The following HK1 variants were observed in gnomAD, a reference collection of about 807,000 sequenced individuals.
The protein encoded by HK1 is hexokinase 1, also known as hexokinase-1.
A neutral mutation model predicts 91.6 loss-of-function variants in HK1; 28 were observed. That is an observed-to-expected ratio of 0.31 (90% CI 0.23 to 0.42). The LOEUF (loss-of-function observed/expected upper bound fraction) is 0.42, where lower values mean the gene tolerates loss of function less well. HK1 is among the 10% of genes least tolerant of loss of function. The probability of loss-of-function intolerance (pLI) is 1.00; values close to 1 mark genes in which losing one functional copy is unlikely to be tolerated. For missense variants in HK1, 770 were observed against 1,219.8 expected, an observed-to-expected ratio of 0.63 and a Z score of 5.49; for synonymous variants, 430 against 468.1, an observed-to-expected ratio of 0.92 and a Z score of 1.05.
intron 1 of HK1, among the ~76,000 whole-genome samples, chr10:69,272,085 A>G (rs1844201226): frequency 6.6e-6 from 1 of 152,072 alleles, no homozygotes; most frequent in Non-Finnish European, 1.5e-5. Flanking sequence ...GCTGGTCTCA[A>G]ACTCCTGGCC....
intron 3 of HK1, among the ~76,000 whole-genome samples, chr10:69,364,523 G>A (rs1849596534): frequency 6.6e-6 from 1 of 152,116 alleles, no homozygotes; most frequent in Admixed American, 6.5e-5. Flanking sequence ...AGTGACCACT[G>A]AGAGGCCAGT....
At chr10:69,348,853 GCATT>G in intron 2 of HK1, among the ~76,000 whole-genome samples, 1 of 152,256 alleles carries the variant, frequency 6.6e-6, no homozygotes, top group Non-Finnish European at 1.5e-5. Flanking sequence ...ACTCAGGCAG[GCATT>G]TCCCGCAGGC....
rs557868457 is a variant in HK1, at chr10:69,358,158, G to A, written c.227-1739G>A. Reference sequence around the variant, plus strand: ...AAGGCAGGGGTGGCCGTCACCCCTGGCGTGGTAGATATTAGGACAGTGGGG... The same window carrying A: ...AAGGCAGGGGTGGCCGTCACCCCTGACGTGGTAGATATTAGGACAGTGGGG... On this transcript the variant is annotated intron_variant, in intron 2 of 17. Coordinates refer to ENST00000359426, the MANE Select transcript of HK1 (RefSeq NM_000188.3). Among the ~76,000 whole-genome samples the A allele has an allele frequency of 1.9e-3, 293 of 152,300 alleles. 1 individual carries two copies. Among genetic ancestry groups the A allele is most frequent in the Non-Finnish European group, 1.9e-3 (132 of 68,012 alleles).
At chr10:69,338,270 G>A (rs1365348374) in intron 1 of HK1, 32 of 1,170,010 alleles carry the variant, frequency 2.7e-5, no homozygotes, top group Middle Eastern at 3.9e-4. Flanking sequence ...TCTGGGCAGC[G>A]GTGGACAGAG....
intron 2 of HK1, among the ~76,000 whole-genome samples, chr10:69,288,012 G>C (rs1589438850): frequency 6.6e-6 from 1 of 151,944 alleles, no homozygotes; most frequent in African/African-American, 2.4e-5. Flanking sequence ...GGCTGGCATG[G>C]TGGCCCATGC....
intron 1 of HK1, among the ~76,000 whole-genome samples, chr10:69,272,496 A>T (rs907763702): frequency 2.6e-5 from 4 of 152,158 alleles, no homozygotes; most frequent in African/African-American, 9.7e-5. Context: ...TTGTCTGAAA[A>T]TGTCTTTTTA....
At chr10:69,300,593 G>A (rs577276789) in intron 4 of HK1, 2 of 703,308 alleles carry the variant, frequency 2.8e-6, no homozygotes, top group African/African-American at 1.8e-5. Context: ...CAAATCTGGG[G>A]CTGATCATGC....
intron 1 of HK1, among the ~76,000 whole-genome samples, chr10:69,332,177 G>A (rs1192028244): frequency 2.0e-5 from 3 of 152,114 alleles, no homozygotes; most frequent in Non-Finnish European, 4.4e-5. Context: ...CTGCTAGATG[G>A]TAAATTCCAT....
intron 16 of HK1, among the ~76,000 whole-genome samples, chr10:69,396,441 C>G (rs1380525608): frequency 6.6e-6 from 1 of 152,110 alleles, no homozygotes; most frequent in Non-Finnish European, 1.5e-5. Context: ...CCATCCATTT[C>G]CGGAACTCTT....
In HK1 at chr10:69,392,201, C is replaced by T. The variant is rs1456364584; in HGVS notation, c.2112C>T (p.Cys704=). ...EMVEGDQGQM[C]INMEWGAFGD... is the part of the protein sequence containing the mutation. ...TGGAGGGGGACCAGGGGCAGATGTG[C>T]ATCAACATGGAGTGGGGGGCCTTTG... The change falls in exon 15 of 18, where the codon TGC becomes TGT. Residue 704 remains cysteine (C), a synonymous_variant. Coordinates refer to ENST00000359426, the MANE Select transcript of HK1 (RefSeq NM_000188.3). The T allele has an allele frequency of 6.2e-7, 1 of 1,614,166 alleles. No homozygotes were observed. The highest frequency in any genetic ancestry group is 2.2e-5 in the East Asian group (1 of 44,880).
intron 15 of HK1, among the ~76,000 whole-genome samples, chr10:69,394,628 TAGAACCCAGGATCAG>T (rs1840053098): frequency 6.6e-6 from 1 of 151,702 alleles, no homozygotes; most frequent in Non-Finnish European, 1.5e-5. Context: ...AACAGGCAGG[TAGAACCCAGGATCAG>T]GAGGAGGACA....
chr10:69,346,375 C>T (rs924511347), intron 2 of HK1, among the ~76,000 whole-genome samples: 2 of 152,160 alleles, frequency 1.3e-5, no homozygotes, highest in African/African-American at 4.8e-5. Flanking sequence ...TTCTTGCTGA[C>T]CTTGACCCTG....
intron 3 of HK1, among the ~76,000 whole-genome samples, chr10:69,294,713 T>G (rs1845468331): frequency 6.6e-6 from 1 of 151,936 alleles, no homozygotes; most frequent in Admixed American, 6.6e-5. Context: ...AAAAAAATAA[T>G]TAGCCGGGTG....
intron 7 of HK1, among the ~76,000 whole-genome samples, chr10:69,375,969 C>T (rs1338302423): frequency 6.6e-6 from 1 of 152,150 alleles, no homozygotes; most frequent in Non-Finnish European, 1.5e-5. Flanking sequence ...GATTGGCTGT[C>T]AGTATGCAGA....
chr10:69,309,872 C>A (rs1846282360), intron 5 of HK1, among the ~76,000 whole-genome samples: 1 of 149,646 alleles, frequency 6.7e-6, no homozygotes, highest in Non-Finnish European at 1.5e-5. Flanking sequence ...CATGGTGACA[C>A]CCCATCTCTA....
At position 69,399,240 on chromosome 10, in the gene HK1, G is replaced by A. The variant is rs528134338; in HGVS notation, c.2609+412G>A. Among the ~76,000 whole-genome samples, 6 of 152,326 alleles carry A rather than the reference G, an allele frequency of 3.9e-5. No individual in the cohort carries two copies. In the South Asian group the frequency reaches 1.0e-3, roughly 26 times the overall value. On this transcript the variant is annotated intron_variant, in intron 17 of 17. Coordinates refer to ENST00000359426, the MANE Select transcript of HK1 (RefSeq NM_000188.3). ...TAAGAAAGGGGAGGAGCTGGGTGCA[G>A]TGGTTCACACCTGTAATCCAGCACT...
chr10:69,325,881 T>C (rs974435977), intron 1 of HK1, among the ~76,000 whole-genome samples: 3 of 150,198 alleles, frequency 2.0e-5, no homozygotes, highest in Non-Finnish European at 4.4e-5. Flanking sequence ...GTCGCCTGGG[T>C]TGTAGTACAG....
At chr10:69,306,628 G>A (rs12243716) in intron 5 of HK1, among the ~76,000 whole-genome samples, 3,287 of 152,280 alleles carry the variant, frequency 0.022, 120 homozygotes, top group African/African-American at 0.075. Context: ...ATAGAATAAA[G>A]GAAGCAGTCA....
At chr10:69,382,894 T>C (rs1839463818) in intron 10 of HK1, 103 bp downstream of exon 10, 3 of 1,061,184 alleles carry the variant, frequency 2.8e-6, no homozygotes, top group Middle Eastern at 2.6e-4. Flanking sequence ...ACACTGGTGA[T>C]GCACGATTTT....
Sources: allele counts gnomAD v4.1 joint callset (sites outside exome capture counted in the v4.1 genomes callset), GRCh38; gene constraint gnomAD v4.1.1; transcripts MANE v1.5; gene names NCBI Gene and HGNC (gene_info 2026-07-23, HGNC 2026-07-21).